SLC25A36: variants seen among roughly 807,000 people sequenced by gnomAD.
SLC25A36 encodes the protein solute carrier family 25 member 36.
Under a neutral mutation model 35.3 loss-of-function variants are expected in SLC25A36, and 24 were observed. The ratio of observed to expected loss-of-function variants is 0.68; its 90% CI spans 0.49 to 0.96. The LOEUF is 0.96. SLC25A36 is among the 40% of genes least tolerant of loss of function. The pLI, the probability that SLC25A36 is intolerant of heterozygous loss-of-function variation, is 0.00. For synonymous variants in SLC25A36, 141 were observed against 132.2 expected, an observed-to-expected ratio of 1.07 and a Z score of -0.46; for missense variants, 294 against 381.1, an observed-to-expected ratio of 0.77 and a Z score of 1.90.
intron 1 of SLC25A36, among the ~76,000 whole-genome samples, chr3:140,954,461 A>ACAGT (rs1041361267): frequency 3.1e-4 from 47 of 152,348 alleles, no homozygotes; most frequent in African/African-American, 1.1e-3. Context: ...TAAGAAACTG[A>ACAGT]CAAACTGCTT....
chr3:140,967,402 C>G (rs189365106), intron 4 of SLC25A36, among the ~76,000 whole-genome samples: 74 of 151,930 alleles, frequency 4.9e-4, no homozygotes, highest in African/African-American at 1.7e-3. Context: ...GCTTTCCATT[C>G]TTTTTTGTCT....
At chr3:140,954,143 G>T (rs1934411600) in intron 1 of SLC25A36, among the ~76,000 whole-genome samples, 1 of 152,054 alleles carries the variant, frequency 6.6e-6, no homozygotes, top group Non-Finnish European at 1.5e-5. Context: ...CTTAACGAGG[G>T]GGATAATTTT....
intron 1 of SLC25A36, among the ~76,000 whole-genome samples, chr3:140,954,585 A>T (rs1934426866): frequency 6.6e-6 from 1 of 152,254 alleles, no homozygotes; most frequent in Non-Finnish European, 1.5e-5. Flanking sequence ...ATAGATGGGC[A>T]GTAGTATCTT....
intron 4 of SLC25A36, chr3:140,968,430 C>T (rs1934817483): frequency 1.0e-6 from 1 of 980,022 alleles, no homozygotes; most frequent in East Asian, 1.1e-4. Flanking sequence ...ATAGCAATTA[C>T]GTAGGGATAA....
At chr3:140,942,981 G>A (rs773013339) in intron 1 of SLC25A36, among the ~76,000 whole-genome samples, 3 of 152,182 alleles carry the variant, frequency 2.0e-5, no homozygotes, top group Non-Finnish European at 4.4e-5. Context: ...TGAAGATAGT[G>A]TTAATAGTTA....
intron 5 of SLC25A36, among the ~76,000 whole-genome samples, chr3:140,971,343 G>A (rs1934895756): frequency 6.6e-6 from 1 of 152,136 alleles, no homozygotes; most frequent in African/African-American, 2.4e-5. Context: ...AGCTAAGTAA[G>A]CCACAAGGTC....
rs1370314152 is a variant in SLC25A36 at position 140,963,375 on chromosome 3, G to A, written c.385+148G>A. 9.0e-6 allele frequency: 5 copies of A among 556,264 alleles called. No homozygotes were observed. The Admixed American group carries it at 1.1e-4, about 13-fold the overall frequency. The allele number at this position is 556,264 out of a possible 1,614,324, so 34.5% of individuals were successfully genotyped here. ...ACGTTTATCGATATAAACCAAATTA[G>A]GTATATGTAAAATCTGTCATCAGTT... On this transcript the variant is annotated intron_variant, in intron 4 of 6. Coordinates refer to ENST00000324194, the MANE Select transcript of SLC25A36 (RefSeq NM_001104647.3).
chr3:140,974,049 A>C, intron 6 of SLC25A36, 44 bp downstream of exon 6: 1 of 1,307,650 alleles, frequency 7.6e-7, no homozygotes. Flanking sequence ...TTCCCACCCC[A>C]GCCAACAGCT....
intron 4 of SLC25A36, chr3:140,966,917 G>T: frequency 2.2e-6 from 1 of 456,130 alleles, no homozygotes; most frequent in South Asian, 1.5e-5. Flanking sequence ...ATACAGAAAA[G>T]CCTGTGTCTA....
intron 3 of SLC25A36, among the ~76,000 whole-genome samples, chr3:140,959,997 T>C (rs990482346): frequency 6.6e-6 from 1 of 152,150 alleles, no homozygotes; most frequent in Non-Finnish European, 1.5e-5. Flanking sequence ...CCTGAGATTT[T>C]TTTGGGGGAG....
intron 3 of SLC25A36, among the ~76,000 whole-genome samples, chr3:140,961,855 C>CAAAAAAAAAA (rs553759457): frequency 2.8e-5 from 1 of 35,840 alleles, no homozygotes; most frequent in Non-Finnish European, 5.8e-5. Flanking sequence ...GGCTCCGTCT[C>CAAAAAAAAAA]AAAAAAAAAA....
At chr3:140,974,055 C>G in intron 6 of SLC25A36, 50 bp downstream of exon 6, 1 of 1,253,188 alleles carries the variant, frequency 8.0e-7, no homozygotes, top group Non-Finnish European at 1.1e-6. Context: ...CCCCAGCCAA[C>G]AGCTCACTTA....
intron 1 of SLC25A36, among the ~76,000 whole-genome samples, chr3:140,949,131 CA>C (rs1005825313): frequency 6.6e-6 from 1 of 151,972 alleles, no homozygotes; most frequent in South Asian, 2.1e-4. Context: ...GCTTCAAAAA[CA>C]AAAAAACACT....
chr3:140,970,015 C>T (rs1323350878), intron 4 of SLC25A36, among the ~76,000 whole-genome samples: 1 of 151,172 alleles, frequency 6.6e-6, no homozygotes, highest in African/African-American at 2.4e-5. Flanking sequence ...ATGAAGCAAT[C>T]TTTATAAGTT....
At chr3:140,957,665 T>G (rs538201183) in intron 2 of SLC25A36, among the ~76,000 whole-genome samples, 1 of 152,066 alleles carries the variant, frequency 6.6e-6, no homozygotes, top group Admixed American at 6.5e-5. Context: ...CACTTGAACC[T>G]GGGAGGCAGA....
intron 4 of SLC25A36, among the ~76,000 whole-genome samples, chr3:140,969,647 C>G (rs545139130): frequency 2.8e-4 from 43 of 151,826 alleles, no homozygotes; most frequent in African/African-American, 9.4e-4. Flanking sequence ...AGAAAAGAAC[C>G]CTGTGAGACC....
At chr3:140,964,977 A>G (rs974729837) in intron 4 of SLC25A36, 1 of 151,814 alleles carries the variant, frequency 6.6e-6, no homozygotes, top group Non-Finnish European at 1.5e-5. Context: ...CTGTACATTG[A>G]TGCCATTTCC....
At chr3:140,975,097 C>CTGTTTTTT (rs1935004460) in intron 6 of SLC25A36, among the ~76,000 whole-genome samples, 1 of 55,188 alleles carries the variant, frequency 1.8e-5, no homozygotes. Flanking sequence ...AAGATACATT[C>CTGTTTTTT]TTTTTTTTTT....
chr3:140,969,852 A>T (rs1479268057), intron 4 of SLC25A36, among the ~76,000 whole-genome samples: 1 of 151,936 alleles, frequency 6.6e-6, no homozygotes, highest in Non-Finnish European at 1.5e-5. Flanking sequence ...CACCTTTATA[A>T]AAAGAATGTG....
Sources: gnomAD v4.1 joint callset for allele counts (sites outside exome capture counted in the v4.1 genomes callset) on GRCh38, gnomAD v4.1.1 for gene constraint, MANE v1.5 for transcripts, NCBI Gene and HGNC (gene_info 2026-07-23, HGNC 2026-07-21) for gene names.